The following RECK variants were observed in gnomAD, a reference collection of about 807,000 sequenced individuals.
RECK encodes the protein reversion-inducing cysteine-rich protein with Kazal motifs.
Under a neutral mutation model 115.1 loss-of-function variants are expected in RECK, and 69 were observed. That is an observed-to-expected ratio of 0.60 (90% CI 0.49 to 0.73). The LOEUF (loss-of-function observed/expected upper bound fraction) is 0.73. Ranked by LOEUF, RECK falls within the 30% of genes least tolerant of loss-of-function variation. The probability of loss-of-function intolerance (pLI) is 0.00; values close to 1 mark genes in which losing one functional copy is unlikely to be tolerated. For missense variants in RECK, 1,047 were observed against 1,203.7 expected (o/e 0.87, Z 1.93); for synonymous variants, 414 against 419.7 (o/e 0.99, Z 0.17).
chr9:36,039,877 T>C (rs567239920), intron 1 of RECK, among the ~76,000 whole-genome samples: 1 of 152,316 alleles, frequency 6.6e-6, no homozygotes, highest in Admixed American at 6.5e-5. Flanking sequence ...AGAGCTAGGA[T>C]TGGTGATAGA....
intron 1 of RECK, among the ~76,000 whole-genome samples, chr9:36,040,736 A>G (rs1174254619): frequency 6.6e-6 from 1 of 151,764 alleles, no homozygotes; most frequent in Non-Finnish European, 1.5e-5. Context: ...GAGATAGGAG[A>G]GGGGATATTT....
intron 12 of RECK, 85 bp downstream of exon 12, chr9:36,102,315 C>G (rs1587071206): frequency 8.3e-7 from 1 of 1,200,116 alleles, no homozygotes; most frequent in East Asian, 2.4e-5. Context: ...TTTGGATGAG[C>G]ATTTATCTGT....
intron 5 of RECK, among the ~76,000 whole-genome samples, chr9:36,064,929 C>T (rs1243350017): frequency 6.6e-6 from 1 of 151,972 alleles, no homozygotes; most frequent in Admixed American, 6.6e-5. Context: ...TTTTTTTTGG[C>T]TTCTTTTATA....
intron 9 of RECK, 67 bp from the exon 10 acceptor site, chr9:36,091,096 GT>G: frequency 6.8e-7 from 1 of 1,476,068 alleles, no homozygotes. Flanking sequence ...TAGAGTTTTA[GT>G]TTTATGCAAA....
At chr9:36,102,401 T>C (rs1823597115) in intron 12 of RECK, among the ~76,000 whole-genome samples, 171 bp downstream of exon 12, 1 of 152,192 alleles carries the variant, frequency 6.6e-6, no homozygotes, top group African/African-American at 2.4e-5. Context: ...CAGGAAAGAA[T>C]TGTTGTTTTA....
chr9:36,043,793 C>T (rs896966014), intron 1 of RECK, among the ~76,000 whole-genome samples: 2 of 151,988 alleles, frequency 1.3e-5, no homozygotes, highest in African/African-American at 2.4e-5. Context: ...CCCCACTTTA[C>T]GTTTTCATTT....
At chr9:36,114,113 G>T (rs1461767780) in intron 16 of RECK, among the ~76,000 whole-genome samples, 1 of 152,174 alleles carries the variant, frequency 6.6e-6, no homozygotes, top group Non-Finnish European at 1.5e-5. Context: ...AGATAGTGGG[G>T]ATTGCTCTTA....
chr9:36,099,624 C>T (rs1360852678), intron 10 of RECK, among the ~76,000 whole-genome samples: 3 of 151,946 alleles, frequency 2.0e-5, no homozygotes, highest in African/African-American at 4.8e-5. Flanking sequence ...GAACTAGAGG[C>T]GTGCCACAAT....
At chr9:36,090,514 TAAA>T (rs1178363528) in intron 9 of RECK, among the ~76,000 whole-genome samples, 1 of 152,194 alleles carries the variant, frequency 6.6e-6, no homozygotes, top group Non-Finnish European at 1.5e-5. Context: ...ATTTTATAAA[TAAA>T]ATGAATATCA....
intron 14 of RECK, 132 bp from the exon 15 acceptor site, chr9:36,109,825 T>C (rs1823965159): frequency 2.3e-6 from 2 of 888,006 alleles, no homozygotes; most frequent in Non-Finnish European, 1.7e-6. Context: ...GCCTGGGCGA[T>C]AGAATGAGAC....
chr9:36,122,960 G>C lies in RECK; in HGVS notation c.2831G>C (p.Gly944Ala). 1 of 1,614,166 alleles carries C rather than the reference G, an allele frequency of 6.2e-7. No individual in the cohort carries two copies. Among genetic ancestry groups the C allele is most frequent in the East Asian group, 2.2e-5 (1 of 44,868 alleles). ...GTCTCCAGCAGTGTGCCATCGGCCGGTGTCAGGGCCAGGCCTTCTTGCCAC... is the reference window on the plus strand; with the variant it reads ...GTCTCCAGCAGTGTGCCATCGGCCGCTGTCAGGGCCAGGCCTTCTTGCCAC... ...VQVSSSVPSAGVRARPSCHSL... is the reference protein window; with the variant it reads ...VQVSSSVPSAAVRARPSCHSL... Residue 944 changes from glycine (G) to alanine (A), a missense_variant, in exon 21 of 21, where the codon GGT becomes GCT. Gly to Ala is a moderately conservative substitution (Grantham distance 60, BLOSUM62 0). Coordinates refer to ENST00000377966, the MANE Select transcript of RECK (RefSeq NM_021111.3).
At chr9:36,098,709 A>C (rs1018899226) in intron 10 of RECK, among the ~76,000 whole-genome samples, 6 of 152,218 alleles carry the variant, frequency 3.9e-5, no homozygotes, top group African/African-American at 1.2e-4. Flanking sequence ...CAAAACATCT[A>C]TCAGGAGAAT....
At chr9:36,058,760 T>C (rs1821637588) in intron 2 of RECK, 67 bp from the exon 3 acceptor site, 4 of 1,026,374 alleles carry the variant, frequency 3.9e-6, no homozygotes, top group Non-Finnish European at 5.6e-6. Context: ...TAGAGGATAA[T>C]AAGTTTTACC....
At chr9:36,081,980 A>G (rs941870888) in intron 7 of RECK, among the ~76,000 whole-genome samples, 3 of 152,194 alleles carry the variant, frequency 2.0e-5, no homozygotes, top group Non-Finnish European at 1.5e-5. Flanking sequence ...GACTTGTCCT[A>G]TATCAGTTCA....
At chr9:36,062,349 C>T (rs1381933381) in intron 4 of RECK, among the ~76,000 whole-genome samples, 4 of 152,056 alleles carry the variant, frequency 2.6e-5, no homozygotes, top group Admixed American at 6.6e-5. Flanking sequence ...TTAGTGGAGA[C>T]GAGGTTTCAC....
chr9:36,067,122 A>T (rs562742319), intron 6 of RECK, among the ~76,000 whole-genome samples: 1 of 152,346 alleles, frequency 6.6e-6, no homozygotes, highest in East Asian at 1.9e-4. Flanking sequence ...GTTCTGCATT[A>T]TAAACCTCAC....
chr9:36,104,036 A>T (rs1030251780), intron 12 of RECK, among the ~76,000 whole-genome samples: 1 of 152,030 alleles, frequency 6.6e-6, no homozygotes, highest in African/African-American at 2.4e-5. Context: ...GTTTCTATCA[A>T]GTGAGACTCT....
rs34000336 is a variant in RECK, at chr9:36,102,954, T to TAAA, written c.1435+739_1435+741dup. Among the ~76,000 whole-genome samples, 72 of 133,334 alleles carry TAAA rather than the reference T, an allele frequency of 5.4e-4. 2 individuals are homozygous for TAAA. The South Asian group carries it at 0.015, about 28-fold the overall frequency. The allele number at this position is 133,334 out of a possible 152,430, so 87.5% of individuals were successfully genotyped here. A position where few individuals can be genotyped will look rare whatever the true frequency, so the allele number is the denominator to read the frequency against. On this transcript the variant is annotated intron_variant, in intron 12 of 20. Transcript: ENST00000377966. ...CTGGGCAACAGAGCAAGACTCTGTC[T>TAAA]AAAAAAAAAAAAAAAAATTATAGTC...
At position 36,110,187 on chromosome 9, in the gene RECK, A is replaced by G. The variant is rs1349840960; in HGVS notation, c.1888+108A>G. 5.0e-6 allele frequency: 6 copies of G among 1,194,066 alleles called. No individual in the cohort carries two copies. The African/African-American group carries it at 7.6e-5, about 15-fold the overall frequency. The allele number at this position is 1,194,066 out of a possible 1,614,324, so 74.0% of individuals were successfully genotyped here. A position where few individuals can be genotyped will look rare whatever the true frequency, so the allele number is the denominator to read the frequency against. On this transcript the variant is annotated intron_variant, in intron 15 of 20. Coordinates refer to ENST00000377966, the MANE Select transcript of RECK (RefSeq NM_021111.3). ...CTTAACTGCAAATGTACACAATAAA[A>G]TCAATACAGAATCTAAGGGCAAGAT...
Sources: gnomAD v4.1 joint callset for allele counts (sites outside exome capture counted in the v4.1 genomes callset) on GRCh38, gnomAD v4.1.1 for gene constraint, MANE v1.5 for transcripts, NCBI Gene and HGNC (gene_info 2026-07-23, HGNC 2026-07-21) for gene names.